EXD3: variants seen among roughly 807,000 people sequenced by gnomAD.
EXD3 encodes the protein exonuclease mut-7 homolog.
A neutral mutation model predicts 98.0 loss-of-function variants in EXD3; 92 were observed. That is an observed-to-expected ratio of 0.94 (90% CI 0.79 to 1.12). EXD3 has a LOEUF of 1.12. Among genes scored for constraint, EXD3 ranks in the 50% most tolerant of loss-of-function variants. EXD3 has a pLI of 0.00. For synonymous variants in EXD3, 569 were observed against 526.0 expected, an observed-to-expected ratio of 1.08 and a Z score of -1.12; for missense variants, 1,222 against 1,191.6, an observed-to-expected ratio of 1.03 and a Z score of -0.38.
chr9:137,342,030 A>G (rs866045981), intron 17 of EXD3, among the ~76,000 whole-genome samples: 5 of 6,108 alleles, frequency 8.2e-4, no homozygotes, highest in African/African-American at 7.3e-3. Flanking sequence ...GCCGTCTCCC[A>G]GGAGTCAGAG....
Position 137,354,998 on chromosome 9 carries a change from C to T in EXD3, c.758-225G>A, listed in dbSNP as rs192868976. ...CGGGGTCTCCCTTGCACTTGTGTGG[C>T]GGGCCCTTTCGTCTGGCCTCCCTCT... On this transcript the variant is annotated intron_variant, in intron 8 of 21. Transcript: ENST00000340951. Among the ~76,000 whole-genome samples, 52 of 152,206 alleles carry T rather than the reference C, an allele frequency of 3.4e-4. No individual in the cohort carries two copies. The East Asian group carries it at 5.8e-3, about 17-fold the overall frequency.
At chr9:137,348,775 G>GATCACAA in intron 16 of EXD3, among the ~76,000 whole-genome samples, 1 of 128,848 alleles carries the variant, frequency 7.8e-6, no homozygotes, top group African/African-American at 3.0e-5. Context: ...GAGGGGAGGG[G>GATCACAA]GAGGGGGCTA....
Position 137,361,099 on chromosome 9 carries a change from G to A in EXD3, c.657-4731C>T, listed in dbSNP as rs1039734208. Among the ~76,000 whole-genome samples, 19 of 87,306 alleles carry A rather than the reference G, an allele frequency of 2.2e-4. 7 individuals are homozygous for A. Among genetic ancestry groups the A allele is most frequent in the Admixed American group, 1.6e-3 (12 of 7,374 alleles). 57.3% of individuals were successfully genotyped at this position (87,306 alleles called of 152,430 possible). A position where few individuals can be genotyped will look rare whatever the true frequency, so the allele number is the denominator to read the frequency against. On this transcript the variant is annotated intron_variant, in intron 7 of 21. Coordinates refer to ENST00000340951, the MANE Select transcript of EXD3 (RefSeq NM_017820.5). The stretch of plus-strand genomic sequence containing the variant: ...CAGTGATGCCCGAGTGATGGGAAGC[G>A]AGGCTGCCAATCGCTCCATCTTCCC...
At chr9:137,354,043 C>A in intron 10 of EXD3, 1 of 1,200,224 alleles carries the variant, frequency 8.3e-7, no homozygotes, top group Non-Finnish European at 1.0e-6. Context: ...ACTCTCAGCC[C>A]CCACCCGGCC....
intron 16 of EXD3, among the ~76,000 whole-genome samples, chr9:137,348,511 G>GTGGGGATCACAAGGAAGGT (rs760104094): frequency 9.9e-4 from 23 of 23,176 alleles, no homozygotes; most frequent in Non-Finnish European, 1.6e-3. Flanking sequence ...ACGGGGAGGG[G>GTGGGGATCACAAGGAAGGT]GCTAGATAGA....
chr9:137,366,480 C>T lies in EXD3; in HGVS notation c.656+13G>A, dbSNP rs893720897. The T allele has an allele frequency of 3.4e-5, 53 of 1,545,356 alleles. No homozygotes were observed. The highest frequency in any genetic ancestry group is 5.9e-5 in the Admixed American group (3 of 50,808). ...CCATCTGGTGCCAGCTGCCAGCGCC[C>T]CACGGGACTCACCTGGCAACGTCCT... On this transcript the variant is annotated intron_variant, in intron 7 of 21. Transcript: ENST00000340951.
intron 1 of EXD3, among the ~76,000 whole-genome samples, chr9:137,414,208 C>T (rs942071059): frequency 1.3e-5 from 2 of 152,220 alleles, no homozygotes; most frequent in East Asian, 1.9e-4. Flanking sequence ...TGAGCCACCG[C>T]GCCCGGCCAA....
intron 3 of EXD3, among the ~76,000 whole-genome samples, chr9:137,379,104 T>C (rs112705652): frequency 6.4e-5 from 2 of 31,142 alleles, no homozygotes; most frequent in Non-Finnish European, 1.2e-4. Context: ...CCATTGCCTG[T>C]GGCCGAGGGG....
intron 2 of EXD3, among the ~76,000 whole-genome samples, chr9:137,389,547 A>G (rs1326704188): frequency 6.6e-6 from 1 of 152,154 alleles, no homozygotes; most frequent in Non-Finnish European, 1.5e-5. Flanking sequence ...TGTGGACCCC[A>G]CAAGGAGGCA....
At chr9:137,422,210 G>A (rs527389081) in intron 1 of EXD3, among the ~76,000 whole-genome samples, 1 of 151,964 alleles carries the variant, frequency 6.6e-6, no homozygotes, top group Admixed American at 6.5e-5. Context: ...CAGCAAGAGG[G>A]GACACTCTGA....
chr9:137,316,505 C>T (rs984629554), intron 19 of EXD3, among the ~76,000 whole-genome samples: 2 of 152,130 alleles, frequency 1.3e-5, no homozygotes, highest in African/African-American at 4.8e-5. Flanking sequence ...CAGCAGGTGG[C>T]AGGCCCTGAA....
At chr9:137,314,891 AC>A (rs1831561271) in intron 19 of EXD3, among the ~76,000 whole-genome samples, 1 of 152,208 alleles carries the variant, frequency 6.6e-6, no homozygotes, top group Admixed American at 6.5e-5. Flanking sequence ...CACGTGCGCA[AC>A]AGCCAGCCCC....
chr9:137,406,791 G>A (rs573262694), intron 1 of EXD3, among the ~76,000 whole-genome samples: 2 of 152,140 alleles, frequency 1.3e-5, no homozygotes, highest in Non-Finnish European at 2.9e-5. Flanking sequence ...GCCCTCCTCT[G>A]GGGTGTCTGT....
intron 19 of EXD3, among the ~76,000 whole-genome samples, chr9:137,316,959 G>A (rs1831701277): frequency 6.6e-6 from 1 of 152,156 alleles, no homozygotes; most frequent in Non-Finnish European, 1.5e-5. Context: ...TGGGGAGCTG[G>A]GCAGGGACCT....
At chr9:137,414,921 T>G (rs1014833923) in intron 1 of EXD3, among the ~76,000 whole-genome samples, 1 of 152,116 alleles carries the variant, frequency 6.6e-6, no homozygotes, top group Non-Finnish European at 1.5e-5. Context: ...GGAATCTCAC[T>G]TTGTCGCCCA....
intron 20 of EXD3, 70 bp downstream of exon 20, chr9:137,309,537 C>T: frequency 7.6e-7 from 1 of 1,317,880 alleles, no homozygotes; most frequent in South Asian, 1.3e-5. Flanking sequence ...AGGCCCCTCT[C>T]CCTGGCTACC....
chr9:137,365,527 TACAC>T (rs1467097679), intron 7 of EXD3: 3 of 151,062 alleles, frequency 2.0e-5, no homozygotes, highest in Non-Finnish European at 4.3e-5. Context: ...CACACACACG[TACAC>T]ACACATGCAT....
At chr9:137,326,750 G>A (rs1231712253) in intron 17 of EXD3, among the ~76,000 whole-genome samples, 4 of 152,292 alleles carry the variant, frequency 2.6e-5, no homozygotes, top group South Asian at 2.1e-4. Flanking sequence ...CGTCACTGGC[G>A]GGAAGGTAAA....
intron 7 of EXD3, chr9:137,365,980 ACACACATGCACACCTGCAGG>A: frequency 1.8e-6 from 1 of 548,962 alleles, no homozygotes; most frequent in Non-Finnish European, 3.5e-6. Context: ...ACACAGAGAC[ACACACATGCACACCTGCAGG>A]CACACATGCA....
Sources: gnomAD v4.1 joint callset for allele counts (sites outside exome capture counted in the v4.1 genomes callset) on GRCh38, gnomAD v4.1.1 for gene constraint, MANE v1.5 for transcripts, NCBI Gene and HGNC (gene_info 2026-07-23, HGNC 2026-07-21) for gene names.